Variants in ANKS1B observed in about 807,000 individuals in gnomAD.
ANKS1B encodes the protein ankyrin repeat and sterile alpha motif domain containing 1B, also known as ankyrin repeat and sterile alpha motif domain-containing protein 1B.
ANKS1B carries 36 observed loss-of-function variants against 148.3 expected under a neutral mutation model. The observed-to-expected ratio is 0.24, with a 90% CI of 0.19 to 0.32. The LOEUF (loss-of-function observed/expected upper bound fraction) is 0.32, where lower values mean the gene tolerates loss of function less well. Ranked by LOEUF, ANKS1B falls within the 10% of genes least tolerant of loss-of-function variation. ANKS1B has a pLI of 1.00. For synonymous variants in ANKS1B, 542 were observed against 560.8 expected, an observed-to-expected ratio of 0.97 and a Z score of 0.47; for missense variants, 1,157 against 1,542.6, an observed-to-expected ratio of 0.75 and a Z score of 4.19.
At chr12:98,809,868 C>T (rs985971015) in intron 19 of ANKS1B, among the ~76,000 whole-genome samples, 3 of 152,100 alleles carry the variant, frequency 2.0e-5, no homozygotes, top group Admixed American at 6.5e-5. Flanking sequence ...TTAGACACAA[C>T]AACTGATCGG....
chr12:99,468,951 C>G (rs1338337868), intron 10 of ANKS1B, among the ~76,000 whole-genome samples: 2 of 151,978 alleles, frequency 1.3e-5, no homozygotes, highest in African/African-American at 4.8e-5. Flanking sequence ...TATATACCCA[C>G]AGGACTATAA....
intron 12 of ANKS1B, among the ~76,000 whole-genome samples, chr12:99,338,971 A>G (rs2089449997): frequency 1.3e-5 from 2 of 152,156 alleles, no homozygotes; most frequent in Non-Finnish European, 2.9e-5. Flanking sequence ...AGTCTCTCTC[A>G]GAACTGTGGG....
intron 17 of ANKS1B, among the ~76,000 whole-genome samples, chr12:98,838,076 T>G (rs774021715): frequency 1.3e-5 from 2 of 152,210 alleles, no homozygotes; most frequent in Non-Finnish European, 2.9e-5. Flanking sequence ...CTAAAGAACT[T>G]TTCTACATAT....
rs182323463 is a variant in ANKS1B, at chr12:99,884,181, T to G, written c.135-58792A>C. ...AAAAGATGCTCACTGTCATTAGTCA[T>G]TAGAAAATGTAAATAAAAATCCACA... On this transcript the variant is annotated intron_variant, in intron 1 of 26. Coordinates refer to ENST00000683438, the MANE Select transcript of ANKS1B (RefSeq NM_001352186.2). Among the ~76,000 whole-genome samples, 419 of 148,938 alleles carry G rather than the reference T, an allele frequency of 2.8e-3. 1 individual carries two copies. Among genetic ancestry groups the G allele is most frequent in the Non-Finnish European group, 4.6e-3 (303 of 66,036 alleles).
intron 9 of ANKS1B, among the ~76,000 whole-genome samples, chr12:99,509,042 C>T (rs947996123): frequency 6.6e-6 from 1 of 151,798 alleles, no homozygotes; most frequent in African/African-American, 2.4e-5. Flanking sequence ...GATCAGTGAG[C>T]TTTGATGTTA....
chr12:98,793,575 A>T (rs2098914218), intron 22 of ANKS1B, among the ~76,000 whole-genome samples: 1 of 152,228 alleles, frequency 6.6e-6, no homozygotes, highest in African/African-American at 2.4e-5. Context: ...AATATTTGCA[A>T]GCTATACATC....
chr12:99,416,603 T>G (rs2094916818), intron 11 of ANKS1B, among the ~76,000 whole-genome samples: 1 of 152,246 alleles, frequency 6.6e-6, no homozygotes, highest in African/African-American at 2.4e-5. Flanking sequence ...ATAATGATGT[T>G]GAATATCTTT....
chr12:99,018,471 T>C (rs182463306), intron 17 of ANKS1B, among the ~76,000 whole-genome samples: 69 of 152,342 alleles, frequency 4.5e-4, no homozygotes, highest in African/African-American at 1.6e-3. Flanking sequence ...TGTTTTGAAA[T>C]ATTGAATATT....
chr12:99,596,297 T>A (rs1030726741), intron 9 of ANKS1B, among the ~76,000 whole-genome samples: 5 of 151,834 alleles, frequency 3.3e-5, no homozygotes, highest in African/African-American at 1.2e-4. Context: ...CATGGTATCA[T>A]CAATCCTTGG....
chr12:99,525,053 C>T (rs895917106), intron 9 of ANKS1B, among the ~76,000 whole-genome samples: 1 of 152,144 alleles, frequency 6.6e-6, no homozygotes, highest in African/African-American at 2.4e-5. Flanking sequence ...TCTATATTTT[C>T]GACTGGTAGG....
intron 1 of ANKS1B, among the ~76,000 whole-genome samples, chr12:99,865,452 A>C (rs2090605727): frequency 6.6e-6 from 1 of 152,210 alleles, no homozygotes; most frequent in Non-Finnish European, 1.5e-5. Flanking sequence ...GAAGAAGTGC[A>C]ACACTTGCAG....
intron 19 of ANKS1B, among the ~76,000 whole-genome samples, chr12:98,827,668 C>A (rs985645289): frequency 2.6e-5 from 4 of 152,082 alleles, no homozygotes; most frequent in Admixed American, 2.0e-4. Context: ...TTTAAAAAAA[C>A]CCTGCAGTAT....
In ANKS1B at chr12:99,320,989, G is replaced by A. The variant is rs568815308; in HGVS notation, c.1757-74125C>T. On this transcript the variant is annotated intron_variant, in intron 12 of 26. Coordinates refer to ENST00000683438, the MANE Select transcript of ANKS1B (RefSeq NM_001352186.2). Reference sequence around the variant, plus strand: ...GGTCCACTCCAGACCCTGTTTGCCTGAGTATCCCCAGCGGAGGCTGCAGAA... The same window carrying A: ...GGTCCACTCCAGACCCTGTTTGCCTAAGTATCCCCAGCGGAGGCTGCAGAA... Among the ~76,000 whole-genome samples, 5 of 152,306 alleles carry A rather than the reference G, an allele frequency of 3.3e-5. No homozygotes were observed. The East Asian group carries it at 9.7e-4, about 29-fold the overall frequency.
chr12:98,961,721 A>C (rs2099871749), intron 17 of ANKS1B, among the ~76,000 whole-genome samples: 1 of 152,148 alleles, frequency 6.6e-6, no homozygotes, highest in Non-Finnish European at 1.5e-5. Context: ...AGAAATAGAA[A>C]CAACAAAAAG....
intron 1 of ANKS1B, among the ~76,000 whole-genome samples, chr12:99,891,491 A>G (rs2093106586): frequency 6.6e-6 from 1 of 152,172 alleles, no homozygotes; most frequent in Admixed American, 6.5e-5. Flanking sequence ...AAATGCCAGG[A>G]TAACAGGTGT....
chr12:99,510,166 G>C (rs531771290), intron 9 of ANKS1B, among the ~76,000 whole-genome samples: 1 of 152,020 alleles, frequency 6.6e-6, no homozygotes, highest in African/African-American at 2.4e-5. Context: ...TGATAGAGCT[G>C]TACGAAGAGA....
intron 12 of ANKS1B, among the ~76,000 whole-genome samples, chr12:99,379,084 A>C (rs2093528234): frequency 6.6e-6 from 1 of 152,236 alleles, no homozygotes. Flanking sequence ...AACTGACTTA[A>C]GGAGACTCAA....
chr12:99,825,447 C>T (rs1237447417), intron 1 of ANKS1B, 58 bp from the exon 2 acceptor site: 1 of 1,384,432 alleles, frequency 7.2e-7, no homozygotes, highest in African/African-American at 1.4e-5. Context: ...CCTTGAAAAA[C>T]AAAAAGAAGG....
At chr12:98,749,184 C>T (rs371865920) in intron 26 of ANKS1B, among the ~76,000 whole-genome samples, 26 of 152,136 alleles carry the variant, frequency 1.7e-4, no homozygotes, top group East Asian at 5.8e-4. Context: ...CTGCAAGCTC[C>T]GCCTCCCGGG....
Sources: gnomAD v4.1 joint callset for allele counts (sites outside exome capture counted in the v4.1 genomes callset) on GRCh38, gnomAD v4.1.1 for gene constraint, MANE v1.5 for transcripts, NCBI Gene and HGNC (gene_info 2026-07-23, HGNC 2026-07-21) for gene names.